SEPTIN10: variants seen among roughly 807,000 people sequenced by gnomAD.
SEPTIN10 encodes septin 10.
A neutral mutation model predicts 54.8 loss-of-function variants in SEPTIN10; 66 were observed. The ratio of observed to expected loss-of-function variants is 1.21; its 90% CI spans 0.99 to 1.48. The LOEUF (loss-of-function observed/expected upper bound fraction) is 1.48. Among genes scored for constraint, SEPTIN10 ranks in the 40% most tolerant of loss-of-function variants. The probability of loss-of-function intolerance (pLI) is 0.00; values close to 1 mark genes in which losing one functional copy is unlikely to be tolerated. For missense variants in SEPTIN10, 620 were observed against 545.6 expected (o/e 1.14, Z -1.36); for synonymous variants, 161 against 181.0 (o/e 0.89, Z 0.89).
intron 1 of SEPTIN10, among the ~76,000 whole-genome samples, chr2:109,593,792 C>T (rs1006919088): frequency 6.6e-6 from 1 of 152,096 alleles, no homozygotes; most frequent in Admixed American, 6.6e-5. Context: ...ATACAAATGT[C>T]AAGAATGCTA....
intron 9 of SEPTIN10, among the ~76,000 whole-genome samples, chr2:109,550,321 T>G (rs961244743): frequency 1.1e-4 from 16 of 148,626 alleles, no homozygotes; most frequent in Non-Finnish European, 2.9e-5. Context: ...CTTTTTTTTT[T>G]TTGTTTTTTG....
intron 4 of SEPTIN10, among the ~76,000 whole-genome samples, chr2:109,583,316 A>G (rs1386319619): frequency 6.6e-6 from 1 of 152,194 alleles, no homozygotes; most frequent in Non-Finnish European, 1.5e-5. Flanking sequence ...ACAACTAAAC[A>G]AGGAAAAAAC....
At chr2:109,604,180 G>GA (rs1697340529) in intron 1 of SEPTIN10, among the ~76,000 whole-genome samples, 1 of 116,536 alleles carries the variant, frequency 8.6e-6, no homozygotes, top group Non-Finnish European at 1.8e-5. Flanking sequence ...AAAAAAAAAA[G>GA]AATTAAAAAA....
At chr2:109,548,482 CTA>C (rs1338293996) in intron 9 of SEPTIN10, among the ~76,000 whole-genome samples, 1 of 152,078 alleles carries the variant, frequency 6.6e-6, no homozygotes, top group Non-Finnish European at 1.5e-5. Context: ...CAGCGCCTGG[CTA>C]TGTTATCTTT....
At chr2:109,587,303 T>C (rs752652373) in intron 2 of SEPTIN10, among the ~76,000 whole-genome samples, 19 of 152,140 alleles carry the variant, frequency 1.2e-4, no homozygotes, top group African/African-American at 2.9e-4. Context: ...ATTTGTTCAA[T>C]AGTTATTATC....
chr2:109,609,743 G>GA (rs1419859132), intron 1 of SEPTIN10, among the ~76,000 whole-genome samples: 4 of 151,932 alleles, frequency 2.6e-5, no homozygotes, highest in East Asian at 3.8e-4. Context: ...GAAGGAATGA[G>GA]AAAAAAAGTT....
chr2:109,574,659 C>T lies in SEPTIN10; in HGVS notation c.522G>A (p.Val174=). 6.2e-7 allele frequency: 1 copy of T among 1,609,108 alleles called. No homozygotes were observed. Among genetic ancestry groups the T allele is most frequent in the Non-Finnish European group, 8.5e-7 (1 of 1,177,772 alleles). The stretch of plus-strand genomic sequence containing the variant: ...CTGTCGGTGAAATGAAGTAGAGACA[C>T]ACATGGATGCGAGAATCATGGTAGG... ...LFTYHDSRIH[V]CLYFISPTGH... The change falls in exon 5 of 11, where the codon GTG becomes GTA. Residue 174 remains valine (V), a synonymous_variant. Coordinates refer to ENST00000397712, the MANE Select transcript of SEPTIN10 (RefSeq NM_144710.5).
intron 4 of SEPTIN10, among the ~76,000 whole-genome samples, 159 bp from the exon 5 acceptor site, chr2:109,574,926 A>T (rs1161483155): frequency 6.6e-6 from 1 of 152,254 alleles, no homozygotes; most frequent in Admixed American, 6.5e-5. Context: ...TGTGCAGAAC[A>T]TGCGCAAAAG....
intron 1 of SEPTIN10, among the ~76,000 whole-genome samples, chr2:109,602,901 C>CAAAA (rs34841715): frequency 3.4e-4 from 37 of 110,382 alleles, no homozygotes; most frequent in African/African-American, 1.1e-3. Flanking sequence ...GACCCTGTCT[C>CAAAA]AAAAAAAAAA....
chr2:109,601,633 G>T (rs2106162774), intron 1 of SEPTIN10, among the ~76,000 whole-genome samples: 1 of 152,070 alleles, frequency 6.6e-6, no homozygotes, highest in East Asian at 1.9e-4. Flanking sequence ...TGCTTGTCAT[G>T]TGTATCATAA....
chr2:109,609,623 A>G (rs1010344561), intron 1 of SEPTIN10, among the ~76,000 whole-genome samples: 1 of 151,908 alleles, frequency 6.6e-6, no homozygotes, highest in East Asian at 1.9e-4. Context: ...CTCAAAAAAA[A>G]AAAAAAAAAA....
At chr2:109,611,517 G>A (rs1477757603) in intron 1 of SEPTIN10, among the ~76,000 whole-genome samples, 3 of 152,186 alleles carry the variant, frequency 2.0e-5, no homozygotes, top group East Asian at 3.9e-4. Context: ...CAACATGTTG[G>A]GAGGCTGAGA....
intron 7 of SEPTIN10, among the ~76,000 whole-genome samples, chr2:109,565,024 C>A (rs541351532): frequency 6.6e-6 from 1 of 152,280 alleles, no homozygotes; most frequent in Non-Finnish European, 1.5e-5. Context: ...CTGTGTTAGA[C>A]ACTATTCAAA....
At position 109,557,792 on chromosome 2, in the gene SEPTIN10, C is replaced by T. The variant is rs1319462156; in HGVS notation, c.1029-4573G>A. On this transcript the variant is annotated intron_variant, in intron 8 of 10. Coordinates refer to ENST00000397712, the MANE Select transcript of SEPTIN10 (RefSeq NM_144710.5). ...TAGATTTATTAAATAAAAATAAAAA[C>T]ATTTTCTTGCTATACTATTCCCTTT... is the stretch of plus-strand genomic sequence containing the variant. 4.0e-5 allele frequency among the ~76,000 whole-genome samples: 6 copies of T among 151,730 alleles called. No homozygotes were observed. In the East Asian group the frequency reaches 1.2e-3, roughly 29 times the overall value.
rs1681161585 is a variant in SEPTIN10, at chr2:109,546,106, G to A, written c.1293C>T (p.His431=). Residue 431 remains histidine, a synonymous_variant, in exon 10 of 11, where the codon CAC becomes CAT. Transcript: ENST00000397712. ...SKKKATSEIF[H]SQSFLATGSN... ...TGCCTGTTGCCAGAAAGGACTGGCTGTGAAATATCTCGGAGGTAGCTTTCT... is the reference window on the plus strand; with the variant it reads ...TGCCTGTTGCCAGAAAGGACTGGCTATGAAATATCTCGGAGGTAGCTTTCT... 2 of 1,609,894 alleles carry A rather than the reference G, an allele frequency of 1.2e-6. No homozygotes were observed. Among genetic ancestry groups the A allele is most frequent in the Non-Finnish European group, 8.5e-7 (1 of 1,178,252 alleles).
At chr2:109,600,832 C>A (rs1174950555) in intron 1 of SEPTIN10, among the ~76,000 whole-genome samples, 1 of 152,218 alleles carries the variant, frequency 6.6e-6, no homozygotes, top group East Asian at 1.9e-4. Flanking sequence ...AAATCAGGGT[C>A]CCCACAACCC....
intron 2 of SEPTIN10, among the ~76,000 whole-genome samples, chr2:109,588,327 T>TGTAA (rs1030565344): frequency 2.6e-5 from 4 of 152,244 alleles, no homozygotes; most frequent in African/African-American, 9.6e-5. Context: ...TGTGGGTAAA[T>TGTAA]GTAAGAGAGG....
At chr2:109,571,970 C>T (rs1434842054) in intron 5 of SEPTIN10, among the ~76,000 whole-genome samples, 1 of 152,198 alleles carries the variant, frequency 6.6e-6, no homozygotes, top group Non-Finnish European at 1.5e-5. Context: ...ATGTAAATAT[C>T]ATCAATAAAC....
intron 9 of SEPTIN10, among the ~76,000 whole-genome samples, chr2:109,546,540 C>A (rs1681297882): frequency 6.6e-6 from 1 of 151,770 alleles, no homozygotes; most frequent in South Asian, 2.1e-4. Context: ...CCCTACAAAA[C>A]TTCTTAAAGT....
Sources: gnomAD v4.1 joint callset for allele counts (sites outside exome capture counted in the v4.1 genomes callset) on GRCh38, gnomAD v4.1.1 for gene constraint, MANE v1.5 for transcripts, NCBI Gene and HGNC (gene_info 2026-07-23, HGNC 2026-07-21) for gene names.